NFE2L3: variants seen among roughly 807,000 people sequenced by gnomAD.
The protein encoded by NFE2L3 is nuclear factor erythroid 2-related factor 3.
In NFE2L3, 18 loss-of-function variants were observed where a neutral mutation model predicts 23.5. The observed-to-expected ratio is 0.77, with a 90% CI of 0.53 to 1.13. NFE2L3 has a LOEUF of 1.13. Among genes scored for constraint, NFE2L3 ranks in the 50% most tolerant of loss-of-function variants. The pLI is 0.00. For missense variants in NFE2L3, 1,152 were observed against 877.2 expected (o/e 1.31, Z -3.96); for synonymous variants, 424 against 354.5 (o/e 1.20, Z -2.20).
chr7:26,167,032 C>T (rs1187562606), intron 1 of NFE2L3, among the ~76,000 whole-genome samples: 2 of 152,164 alleles, frequency 1.3e-5, no homozygotes, highest in African/African-American at 2.4e-5. Flanking sequence ...ACAGCATAAG[C>T]GGCACACTTG....
intron 1 of NFE2L3, among the ~76,000 whole-genome samples, chr7:26,168,582 G>A (rs1020437119): frequency 1.3e-5 from 2 of 149,074 alleles, no homozygotes; most frequent in African/African-American, 4.9e-5. Flanking sequence ...AGAGATTATA[G>A]ATATATTTCT....
At chr7:26,168,769 C>G (rs541011909) in intron 1 of NFE2L3, among the ~76,000 whole-genome samples, 2 of 152,084 alleles carry the variant, frequency 1.3e-5, no homozygotes, top group Non-Finnish European at 2.9e-5. Flanking sequence ...AATGGTAGTT[C>G]TACTCTTAGT....
At position 26,185,733 on chromosome 7, in the gene NFE2L3, C is replaced by A. The variant is rs1403420077; in HGVS notation, c.2035C>A (p.Leu679Met). ...AAGTATCTTGATAGTACCCAAAGAA[C>A]TGGTGGCCTCAGGCCACAAAAAGGA... is the stretch of plus-strand genomic sequence containing the variant. ...DGSILIVPKELVASGHKKETQ... is the reference protein window; with the variant it reads ...DGSILIVPKEMVASGHKKETQ... The change falls in exon 4 of 4, where the codon CTG (leucine) becomes ATG (methionine). Residue 679 changes from leucine (L) to methionine (M), a missense_variant. Transcript: ENST00000056233. 1 of 1,602,108 alleles carries A rather than the reference C, an allele frequency of 6.2e-7. No homozygotes were observed. The highest frequency in any genetic ancestry group is 2.2e-5 in the East Asian group (1 of 44,864).
intron 1 of NFE2L3, among the ~76,000 whole-genome samples, chr7:26,153,849 A>G (rs1784038416): frequency 6.6e-6 from 1 of 152,208 alleles, no homozygotes; most frequent in Non-Finnish European, 1.5e-5. Context: ...GTTCAGTCTA[A>G]TGACACTTTA....
At chr7:26,177,591 T>C (rs1187250835) in intron 1 of NFE2L3, among the ~76,000 whole-genome samples, 1 of 151,656 alleles carries the variant, frequency 6.6e-6, no homozygotes, top group Admixed American at 6.6e-5. Flanking sequence ...AGGGAGACCG[T>C]CGAAAGGAGG....
Position 26,154,440 on chromosome 7 carries a change from T to C in NFE2L3, c.570+1372T>C, listed in dbSNP as rs1293510807. Among the ~76,000 whole-genome samples, 7 of 152,212 alleles carry C rather than the reference T, an allele frequency of 4.6e-5. 1 individual carries two copies. Among genetic ancestry groups the C allele is most frequent in the African/African-American group, 1.4e-4 (6 of 41,456 alleles). On this transcript the variant is annotated intron_variant, in intron 1 of 3. Coordinates refer to ENST00000056233, the MANE Select transcript of NFE2L3 (RefSeq NM_004289.7). ...CCACCCACACCCGAATGCCAACCTG[T>C]GTGCAAAGTGCACAGGGACCTGGAG...
intron 1 of NFE2L3, among the ~76,000 whole-genome samples, chr7:26,168,203 C>T (rs890029012): frequency 3.4e-5 from 5 of 149,244 alleles, no homozygotes; most frequent in African/African-American, 1.2e-4. Flanking sequence ...ATGGTGTGAT[C>T]TCGGCTCACT....
At chr7:26,176,902 C>T (rs1340471121) in intron 1 of NFE2L3, among the ~76,000 whole-genome samples, 4 of 122,826 alleles carry the variant, frequency 3.3e-5, no homozygotes, top group Admixed American at 3.3e-4. Flanking sequence ...CGGGCAGAGG[C>T]GCTCCTCACA....
intron 1 of NFE2L3, among the ~76,000 whole-genome samples, chr7:26,160,000 C>T (rs1347880848): frequency 7.0e-6 from 1 of 142,218 alleles, no homozygotes; most frequent in Non-Finnish European, 1.5e-5. Context: ...GTCACCCAGG[C>T]TGGAGTGCAG....
intron 2 of NFE2L3, among the ~76,000 whole-genome samples, chr7:26,179,833 T>C (rs1161754352): frequency 1.6e-4 from 24 of 152,170 alleles, no homozygotes; most frequent in Admixed American, 1.6e-3. Flanking sequence ...AGGAAATTGT[T>C]TCTCTTGACC....
chr7:26,157,106 C>T (rs1784093204), intron 1 of NFE2L3, among the ~76,000 whole-genome samples: 1 of 150,464 alleles, frequency 6.6e-6, no homozygotes, highest in Non-Finnish European at 1.5e-5. Flanking sequence ...AGCGAGACTC[C>T]ATCTCAAAAG....
intron 1 of NFE2L3, among the ~76,000 whole-genome samples, chr7:26,158,684 CCTT>C (rs1226672985): frequency 1.3e-5 from 2 of 152,200 alleles, no homozygotes; most frequent in Non-Finnish European, 2.9e-5. Context: ...GTATCATTCT[CCTT>C]CTTTCCATGA....
intron 1 of NFE2L3, among the ~76,000 whole-genome samples, chr7:26,161,337 T>C (rs1192894604): frequency 0.011 from 283 of 26,300 alleles, 1 homozygote; most frequent in African/African-American, 0.036. Context: ...TTCTCTCTCT[T>C]TTTTTTTTTT....
At chr7:26,177,323 G>A (rs1416556618) in intron 1 of NFE2L3, among the ~76,000 whole-genome samples, 1 of 152,252 alleles carries the variant, frequency 6.6e-6, no homozygotes, top group Non-Finnish European at 1.5e-5. Flanking sequence ...AGCATTGAGT[G>A]AGCGAGACTC....
rs1188199803 is a variant in NFE2L3 at position 26,185,272 on chromosome 7, G to A, written c.1574G>A (p.Ser525Asn). Residue 525 changes from serine (S) to asparagine (N), a missense_variant, in exon 4 of 4, where the codon AGT (serine) becomes AAT (asparagine). Ser to Asn is a conservative substitution (Grantham distance 46). Coordinates refer to ENST00000056233, the MANE Select transcript of NFE2L3 (RefSeq NM_004289.7). The part of the protein sequence containing the change: ...PWPGKSQKIR[S>N]RYLEDTDRNL... ...CCTGGGAAGTCACAGAAGATAAGGAGTAGATACCTTGAAGACACAGATAGA... is the reference window on the plus strand; with the variant it reads ...CCTGGGAAGTCACAGAAGATAAGGAATAGATACCTTGAAGACACAGATAGA... 4 of 1,614,022 alleles carry A rather than the reference G, an allele frequency of 2.5e-6. No homozygotes were observed. Among genetic ancestry groups the A allele is most frequent in the East Asian group, 2.2e-5 (1 of 44,896 alleles).
At position 26,185,505 on chromosome 7, in the gene NFE2L3, ATT is replaced by A; in HGVS notation, c.1810_1811del (p.Leu604GlufsTer5). On this transcript the variant is annotated frameshift_variant, in exon 4 of 4. Transcript: ENST00000056233. LOFTEE classifies it low-confidence loss of function (END_TRUNC). ...CTGTCGTAAACGCAAATTGGACATA[ATT>A]TTGAATTTAGAAGATGATGTATGTA... ...QNCRKRKLDI[I>X]LNLEDDVCNL... is the part of the protein sequence containing the mutation. 1 of 1,613,992 alleles carries A rather than the reference ATT, an allele frequency of 6.2e-7. No homozygotes were observed. The highest frequency in any genetic ancestry group is 2.2e-5 in the East Asian group (1 of 44,886).
chr7:26,175,202 A>T (rs1197101551), intron 1 of NFE2L3, among the ~76,000 whole-genome samples: 1 of 150,430 alleles, frequency 6.6e-6, no homozygotes, highest in Non-Finnish European at 1.5e-5. Flanking sequence ...CAAAAAAAAA[A>T]AAAAAAAAAT....
At chr7:26,155,767 G>A (rs369077033) in intron 1 of NFE2L3, among the ~76,000 whole-genome samples, 7 of 152,268 alleles carry the variant, frequency 4.6e-5, no homozygotes, top group Admixed American at 6.5e-5. Context: ...TGGTCTTTGC[G>A]GTCAGCTAGA....
Position 26,152,572 on chromosome 7 carries a change from G to C in NFE2L3, c.74G>C (p.Gly25Ala). Residue 25 changes from glycine to alanine, a missense_variant, in exon 1 of 4, where the codon GGG (glycine) becomes GCG (alanine). Transcript: ENST00000056233. This position sits in a 1 kb window ranked among gnomAD's most constrained non-coding sequence, Gnocchi z 4.4. ...CTCACCCTCCTGCTGAGCTTGGCGG[G>C]GCTCCGCGTAGACCTAGATCTTTAC... Reference protein sequence around the residue: ...LHLTLLLSLAGLRVDLDLYLL... With the variant: ...LHLTLLLSLAALRVDLDLYLL... 6.5e-7 allele frequency: 1 copy of C among 1,531,688 alleles called. No individual in the cohort carries two copies. Among genetic ancestry groups the C allele is most frequent in the Non-Finnish European group, 8.7e-7 (1 of 1,148,716 alleles). 94.9% of individuals were successfully genotyped at this position (1,531,688 alleles called of 1,614,324 possible). A position where few individuals can be genotyped will look rare whatever the true frequency, so the allele number is the denominator to read the frequency against.
Sources: gnomAD v4.1 joint callset for allele counts (sites outside exome capture counted in the v4.1 genomes callset) on GRCh38, gnomAD v4.1.1 for gene constraint, Gnocchi (gnomAD v3.1) non-coding constraint, MANE v1.5 for transcripts, NCBI Gene and HGNC (gene_info 2026-07-23, HGNC 2026-07-21) for gene names.